ATRNL1: variants seen among roughly 807,000 people sequenced by gnomAD.
ATRNL1 encodes attractin-like protein 1.
A neutral mutation model predicts 182.7 loss-of-function variants in ATRNL1; 95 were observed. The observed-to-expected ratio is 0.52, with a 90% CI of 0.44 to 0.62. ATRNL1 has a LOEUF of 0.62. ATRNL1 is among the 20% of genes least tolerant of loss of function. The pLI, the probability that ATRNL1 is intolerant of heterozygous loss-of-function variation, is 0.00. For missense variants in ATRNL1, 1,471 were observed against 1,679.5 expected, an observed-to-expected ratio of 0.88 and a Z score of 2.17; for synonymous variants, 576 against 568.3, an observed-to-expected ratio of 1.01 and a Z score of -0.19.
intron 27 of ATRNL1, among the ~76,000 whole-genome samples, chr10:115,767,731 T>C (rs1948892352): frequency 6.6e-6 from 1 of 152,196 alleles, no homozygotes; most frequent in African/African-American, 2.4e-5. Flanking sequence ...TCTCTTTTTC[T>C]TTATAGCTCA....
chr10:115,178,004 T>A (rs1317218704), intron 8 of ATRNL1, among the ~76,000 whole-genome samples: 1 of 147,118 alleles, frequency 6.8e-6, no homozygotes, highest in East Asian at 2.1e-4. Flanking sequence ...CTGAAGCCTC[T>A]GCCACCTGGG....
intron 19 of ATRNL1, among the ~76,000 whole-genome samples, chr10:115,339,981 C>G (rs80113089): frequency 0.013 from 2,000 of 152,242 alleles, 41 homozygotes; most frequent in African/African-American, 0.046. Context: ...ATCCTTCATT[C>G]TAGTGATATG....
At chr10:115,563,271 A>G (rs1458887286) in intron 26 of ATRNL1, among the ~76,000 whole-genome samples, 2 of 152,202 alleles carry the variant, frequency 1.3e-5, no homozygotes, top group Admixed American at 1.3e-4. Context: ...AGGATTTGAC[A>G]TGTTAAAAGT....
chr10:115,693,266 C>A (rs1555048745), intron 26 of ATRNL1, among the ~76,000 whole-genome samples: 1 of 151,960 alleles, frequency 6.6e-6, no homozygotes, highest in African/African-American at 2.4e-5. Flanking sequence ...CTATTATGGG[C>A]AGAAATGAAA....
intron 27 of ATRNL1, among the ~76,000 whole-genome samples, chr10:115,785,228 A>G (rs1949366739): frequency 6.6e-6 from 1 of 152,200 alleles, no homozygotes; most frequent in South Asian, 2.1e-4. Context: ...TCCAAAAGGG[A>G]GCAAATGAAA....
At chr10:115,349,684 G>A (rs571233968) in intron 19 of ATRNL1, among the ~76,000 whole-genome samples, 40 of 152,092 alleles carry the variant, frequency 2.6e-4, no homozygotes, top group Non-Finnish European at 4.3e-4. Flanking sequence ...GAGGTGGGTT[G>A]CATTTCCCTG....
chr10:115,168,459 C>T (rs1847144449), intron 7 of ATRNL1, among the ~76,000 whole-genome samples: 1 of 152,116 alleles, frequency 6.6e-6, no homozygotes, highest in Admixed American at 6.6e-5. Context: ...TATTTCTATA[C>T]ATCCTTGCCA....
chr10:115,828,403 C>T (rs533854192), intron 27 of ATRNL1, among the ~76,000 whole-genome samples: 55 of 152,278 alleles, frequency 3.6e-4, no homozygotes, highest in African/African-American at 1.2e-3. Flanking sequence ...GCTGTTAAGG[C>T]TGTGTGGAAA....
intron 26 of ATRNL1, among the ~76,000 whole-genome samples, chr10:115,673,455 G>C (rs1451222553): frequency 2.0e-5 from 3 of 151,940 alleles, no homozygotes; most frequent in African/African-American, 7.3e-5. Flanking sequence ...TATCAGACAG[G>C]CATTTGAGTC....
intron 1 of ATRNL1, among the ~76,000 whole-genome samples, chr10:115,115,812 A>G (rs1459156806): frequency 6.6e-6 from 1 of 152,106 alleles, no homozygotes; most frequent in African/African-American, 2.4e-5. Context: ...TTATATATCC[A>G]TAGTCAAATT....
At chr10:115,150,379 T>G (rs1592171310) in intron 5 of ATRNL1, among the ~76,000 whole-genome samples, 1 of 152,012 alleles carries the variant, frequency 6.6e-6, no homozygotes, top group East Asian at 1.9e-4. Context: ...CTAGTAATTT[T>G]GAGTTTGGTT....
At chr10:115,188,831 T>G (rs1387945224) in intron 8 of ATRNL1, among the ~76,000 whole-genome samples, 3 of 152,062 alleles carry the variant, frequency 2.0e-5, no homozygotes, top group Non-Finnish European at 4.4e-5. Flanking sequence ...ACAGATGTAT[T>G]AAGTGGTGGG....
chr10:115,760,949 T>C (rs570724295), intron 27 of ATRNL1, among the ~76,000 whole-genome samples: 1 of 152,302 alleles, frequency 6.6e-6, no homozygotes, highest in African/African-American at 2.4e-5. Flanking sequence ...GCGCAGTCAA[T>C]AGATTCTTTT....
intron 28 of ATRNL1, among the ~76,000 whole-genome samples, chr10:115,876,097 C>T (rs1392648500): frequency 6.6e-6 from 1 of 152,260 alleles, no homozygotes; most frequent in African/African-American, 2.4e-5. Context: ...ACAAATTGTC[C>T]TCAGATTACC....
At chr10:115,687,272 G>A (rs782569464) in intron 26 of ATRNL1, among the ~76,000 whole-genome samples, 18 of 151,852 alleles carry the variant, frequency 1.2e-4, no homozygotes, top group African/African-American at 3.6e-4. Context: ...CTCCACTTCC[G>A]TCTTCCCCCA....
chr10:115,635,807 A>G (rs926747344), intron 26 of ATRNL1, among the ~76,000 whole-genome samples: 1 of 152,152 alleles, frequency 6.6e-6, no homozygotes, highest in South Asian at 2.1e-4. Flanking sequence ...ACTGTACAGG[A>G]AAAAAATCAG....
intron 25 of ATRNL1, among the ~76,000 whole-genome samples, chr10:115,531,390 A>G (rs1434385598): frequency 2.6e-5 from 4 of 151,904 alleles, no homozygotes; most frequent in African/African-American, 9.7e-5. Context: ...GATGGTGAGC[A>G]TTTTTTCATG....
At chr10:115,273,005 T>C (rs1287857784) in intron 13 of ATRNL1, among the ~76,000 whole-genome samples, 1 of 152,182 alleles carries the variant, frequency 6.6e-6, no homozygotes, top group Non-Finnish European at 1.5e-5. Flanking sequence ...TAAATGTCTG[T>C]TTCAGTAAAA....
rs1258167848 is a variant in ATRNL1 at position 115,609,084 on chromosome 10, C to G, written c.3795+59548C>G. Among the ~76,000 whole-genome samples, 3 of 148,620 alleles carry G rather than the reference C, an allele frequency of 2.0e-5. No individual in the cohort carries two copies. In the East Asian group the frequency reaches 5.8e-4, roughly 29 times the overall value. On this transcript the variant is annotated intron_variant, in intron 26 of 28. Coordinates refer to ENST00000355044, the MANE Select transcript of ATRNL1 (RefSeq NM_207303.4). Reference sequence around the variant, plus strand: ...TTATAAGTTAAGTTGAAATGTTTATCTATTTTTATGTTATTAAAACGGGTT... The same window carrying G: ...TTATAAGTTAAGTTGAAATGTTTATGTATTTTTATGTTATTAAAACGGGTT...
Sources: allele counts gnomAD v4.1 joint callset (sites outside exome capture counted in the v4.1 genomes callset), GRCh38; gene constraint gnomAD v4.1.1; transcripts MANE v1.5; gene names NCBI Gene and HGNC (gene_info 2026-07-23, HGNC 2026-07-21).